LRMDA: variants seen among roughly 807,000 people sequenced by gnomAD.
LRMDA encodes leucine rich melanocyte differentiation associated.
In LRMDA, 18 loss-of-function variants were observed where a neutral mutation model predicts 29.8. The observed-to-expected ratio is 0.60, with a 90% CI of 0.42 to 0.90. The LOEUF (loss-of-function observed/expected upper bound fraction) is 0.90, where lower values mean the gene tolerates loss of function less well. Ranked by LOEUF, LRMDA falls within the 40% of genes least tolerant of loss-of-function variation. The pLI, the probability that LRMDA is intolerant of heterozygous loss-of-function variation, is 0.00. For synonymous variants in LRMDA, 125 were observed against 109.4 expected, an observed-to-expected ratio of 1.14 and a Z score of -0.89; for missense variants, 273 against 273.9, an observed-to-expected ratio of 1.00 and a Z score of 0.02.
At chr10:75,504,514 A>G (rs1845149741) in intron 2 of LRMDA, among the ~76,000 whole-genome samples, 1 of 152,206 alleles carries the variant, frequency 6.6e-6, no homozygotes, top group Non-Finnish European at 1.5e-5. Context: ...TTTGGCCAGT[A>G]ACAAATGGAG....
At chr10:75,850,935 G>A (rs1421265091) in intron 2 of LRMDA, among the ~76,000 whole-genome samples, 1 of 152,172 alleles carries the variant, frequency 6.6e-6, no homozygotes, top group Non-Finnish European at 1.5e-5. Flanking sequence ...ATTGTCTCAT[G>A]AGAAATGACA....
intron 2 of LRMDA, among the ~76,000 whole-genome samples, chr10:76,007,119 G>A (rs1302836856): frequency 1.3e-5 from 2 of 151,986 alleles, no homozygotes; most frequent in Non-Finnish European, 2.9e-5. Flanking sequence ...CCTCCTGGAT[G>A]AACCTCTTGT....
At chr10:75,803,145 C>T (rs1327691888) in intron 2 of LRMDA, among the ~76,000 whole-genome samples, 1 of 152,118 alleles carries the variant, frequency 6.6e-6, no homozygotes, top group Non-Finnish European at 1.5e-5. Context: ...ATTGAGAGCA[C>T]AGCCTGAGAG....
At chr10:75,515,839 C>G (rs941324963) in intron 2 of LRMDA, among the ~76,000 whole-genome samples, 3 of 152,100 alleles carry the variant, frequency 2.0e-5, no homozygotes, top group Admixed American at 2.0e-4. Context: ...TCTCCTAATG[C>G]TATCCCTCCC....
At chr10:75,818,538 T>C (rs1844099219) in intron 2 of LRMDA, among the ~76,000 whole-genome samples, 1 of 152,176 alleles carries the variant, frequency 6.6e-6, no homozygotes, top group Non-Finnish European at 1.5e-5. Flanking sequence ...AGAGTCTCAG[T>C]TTTGAAAAAC....
intron 2 of LRMDA, among the ~76,000 whole-genome samples, chr10:75,965,446 G>T (rs1201216582): frequency 6.6e-6 from 1 of 152,128 alleles, no homozygotes; most frequent in African/African-American, 2.4e-5. Context: ...TATATTTTAT[G>T]TTTATGGAGC....
intron 6 of LRMDA, among the ~76,000 whole-genome samples, chr10:76,509,584 A>C (rs1321767616): frequency 2.6e-5 from 4 of 152,182 alleles, no homozygotes; most frequent in Admixed American, 6.5e-5. Flanking sequence ...ACAGCCACAA[A>C]ATTCCAGCCT....
At chr10:75,958,065 G>A (rs754716887) in intron 2 of LRMDA, among the ~76,000 whole-genome samples, 7 of 152,200 alleles carry the variant, frequency 4.6e-5, no homozygotes, top group East Asian at 1.9e-4. Flanking sequence ...ACTGAAAACT[G>A]TAGCCTGTGC....
intron 2 of LRMDA, among the ~76,000 whole-genome samples, chr10:76,022,112 C>A: frequency 6.6e-6 from 1 of 152,150 alleles, no homozygotes; most frequent in East Asian, 1.9e-4. Context: ...ATCTTAGAGA[C>A]CTTTTAAGGT....
At chr10:76,256,737 A>G (rs1852600886) in intron 5 of LRMDA, among the ~76,000 whole-genome samples, 1 of 152,192 alleles carries the variant, frequency 6.6e-6, no homozygotes, top group Admixed American at 6.5e-5. Context: ...ATTACATTTT[A>G]ACACACTTAA....
chr10:75,693,742 A>C (rs1019785784), intron 2 of LRMDA, among the ~76,000 whole-genome samples: 2 of 152,146 alleles, frequency 1.3e-5, no homozygotes, highest in African/African-American at 2.4e-5. Context: ...CTGAGAGAAA[A>C]ATGTCTGGAA....
At chr10:76,528,691 C>A (rs2132371027) in intron 6 of LRMDA, among the ~76,000 whole-genome samples, 1 of 152,116 alleles carries the variant, frequency 6.6e-6, no homozygotes, top group South Asian at 2.1e-4. Context: ...ACAACTAGCC[C>A]CAAATACCAG....
chr10:76,341,871 T>C (rs1564729345), intron 6 of LRMDA, among the ~76,000 whole-genome samples: 1 of 152,092 alleles, frequency 6.6e-6, no homozygotes, highest in Non-Finnish European at 1.5e-5. Flanking sequence ...GCAGAAATAA[T>C]AGAATCTTTT....
chr10:76,428,580 G>A (rs1842155087), intron 6 of LRMDA, among the ~76,000 whole-genome samples: 1 of 151,956 alleles, frequency 6.6e-6, no homozygotes, highest in Non-Finnish European at 1.5e-5. Flanking sequence ...CTTTTTTCTT[G>A]GATACTCCTT....
At chr10:76,096,847 C>T (rs1589325273) in intron 5 of LRMDA, among the ~76,000 whole-genome samples, 1 of 152,058 alleles carries the variant, frequency 6.6e-6, no homozygotes, top group East Asian at 1.9e-4. Context: ...ATTGTATGTG[C>T]TTTGTGCTAT....
At chr10:76,461,241 G>A (rs1035676209) in intron 6 of LRMDA, among the ~76,000 whole-genome samples, 1 of 152,182 alleles carries the variant, frequency 6.6e-6, no homozygotes, top group Non-Finnish European at 1.5e-5. Flanking sequence ...GCCATGCATG[G>A]TGTGAAATGT....
intron 5 of LRMDA, among the ~76,000 whole-genome samples, chr10:76,082,338 G>A (rs1849062452): frequency 6.6e-6 from 1 of 151,948 alleles, no homozygotes; most frequent in African/African-American, 2.4e-5. Flanking sequence ...GTCACTTTGG[G>A]GTGAGCTGTC....
At chr10:76,387,824 A>G (rs1841678416) in intron 6 of LRMDA, among the ~76,000 whole-genome samples, 1 of 152,174 alleles carries the variant, frequency 6.6e-6, no homozygotes, top group South Asian at 2.1e-4. Context: ...ACTAAAAGCT[A>G]CATAGAGCAT....
intron 2 of LRMDA, among the ~76,000 whole-genome samples, chr10:75,699,046 C>G (rs988983777): frequency 4.0e-5 from 6 of 151,858 alleles, no homozygotes; most frequent in Admixed American, 3.3e-4. Flanking sequence ...ACTAAAAATA[C>G]AAAAAATAGT....
Sources: gnomAD v4.1 joint callset for allele counts (sites outside exome capture counted in the v4.1 genomes callset) on GRCh38, gnomAD v4.1.1 for gene constraint, MANE v1.5 for transcripts, NCBI Gene and HGNC (gene_info 2026-07-23, HGNC 2026-07-21) for gene names.